Variants in REC8 observed in about 807,000 individuals in gnomAD.
REC8 encodes REC8 meiotic recombination protein, also known as meiotic recombination protein REC8 homolog.
In REC8, 42 loss-of-function variants were observed where a neutral mutation model predicts 78.3. The ratio of observed to expected loss-of-function variants is 0.54; its 90% CI spans 0.42 to 0.69. REC8 has a LOEUF of 0.69. REC8 is among the 30% of genes least tolerant of loss of function. REC8 has a pLI of 0.00. For synonymous variants in REC8, 268 were observed against 274.1 expected, an observed-to-expected ratio of 0.98 and a Z score of 0.22; for missense variants, 581 against 715.8, an observed-to-expected ratio of 0.81 and a Z score of 2.15.
At position 24,172,473 on chromosome 14, in the gene REC8, G is replaced by T; in HGVS notation, c.-80G>T. On this transcript the variant is annotated 5_prime_UTR_variant, in exon 1 of 19. Transcript: ENST00000611366. ...ATCCTGACTTCTCTCCAAGGTGTTG[G>T]GAATTCTGTGCCCTAAAGAATTCCG... The T allele has an allele frequency of 6.9e-7, 1 of 1,456,842 alleles. No homozygotes were observed. Among genetic ancestry groups the T allele is most frequent in the Non-Finnish European group, 9.3e-7 (1 of 1,069,728 alleles). 90.2% of individuals were successfully genotyped at this position (1,456,842 alleles called of 1,614,324 possible).
Position 24,178,159 on chromosome 14 carries a change from G to C in REC8, c.933G>C (p.Glu311Asp). ...RRRRLLFWDKETQISPEKFQE... is the reference protein window; with the variant it reads ...RRRRLLFWDKDTQISPEKFQE... The stretch of plus-strand genomic sequence containing the variant: ...GCCGGTTACTGTTCTGGGACAAGGA[G>C]ACTCAGATCTCCCCGGAGAAATTCC... The change falls in exon 12 of 19, where the codon GAG (glutamate) becomes GAC (aspartate). Residue 311 changes from glutamate to aspartate, a missense_variant. Transcript: ENST00000611366. 1.9e-6 allele frequency: 3 copies of C among 1,614,052 alleles called. No individual in the cohort carries two copies. The South Asian group carries it at 3.3e-5, about 18-fold the overall frequency.
At chr14:24,173,569 A>G (rs891779277) in intron 5 of REC8, among the ~76,000 whole-genome samples, 158 bp downstream of exon 5, 21 of 152,184 alleles carry the variant, frequency 1.4e-4, no homozygotes, top group African/African-American at 4.6e-4. Flanking sequence ...ATCCAGGCGA[A>G]GCCCCCTGTA....
intron 2 of REC8, 37 bp downstream of exon 2, chr14:24,172,818 G>C: frequency 6.2e-7 from 1 of 1,614,122 alleles, no homozygotes; most frequent in East Asian, 2.2e-5. Flanking sequence ...CCTGGTGCGG[G>C]GGGTGAGTTA....
downstream of REC8, chr14:24,180,561 C>T (rs566385618): frequency 7.3e-5 from 118 of 1,613,988 alleles, no homozygotes; most frequent in East Asian, 2.1e-3. Flanking sequence ...AGCAACAGTG[C>T]GGCCTTGGTG....
downstream of REC8, chr14:24,180,612 G>A: frequency 1.2e-6 from 2 of 1,611,896 alleles, no homozygotes; most frequent in Non-Finnish European, 1.7e-6. Flanking sequence ...GGCTCCTAAA[G>A]CCTCGCTGCC....
intron 1 of REC8, 29 bp from the exon 2 acceptor site, chr14:24,172,684 C>T: frequency 6.2e-7 from 1 of 1,614,096 alleles, no homozygotes; most frequent in South Asian, 1.1e-5. Flanking sequence ...CCTCCATCCC[C>T]ATTCTCCCAC....
In REC8 at chr14:24,172,549, G is replaced by A. The variant is rs1295917997; in HGVS notation, c.-4G>A. On this transcript the variant is annotated 5_prime_UTR_variant, in exon 1 of 19. Coordinates refer to ENST00000611366, the MANE Select transcript of REC8 (RefSeq NM_001048205.2). ...GGAATCGAGGGTGAAAGACCAGAGG[G>A]ACAATGTTCTACTATCCCAACGTGC... is the stretch of plus-strand genomic sequence containing the variant. The A allele has an allele frequency of 6.2e-6, 10 of 1,611,028 alleles. No homozygotes were observed. Among genetic ancestry groups the A allele is most frequent in the Middle Eastern group, 1.7e-4 (1 of 6,018 alleles).
chr14:24,174,479 T>G (rs751113234), intron 5 of REC8, among the ~76,000 whole-genome samples: 2 of 152,090 alleles, frequency 1.3e-5, no homozygotes, highest in Non-Finnish European at 2.9e-5. Context: ...AGTTTCATCA[T>G]GTTGGTCAGA....
In REC8 at chr14:24,178,111, A is replaced by C. The variant is rs758061904; in HGVS notation, c.885A>C (p.Pro295=). 38 of 1,612,524 alleles carry C rather than the reference A, an allele frequency of 2.4e-5. No homozygotes were observed. The highest frequency in any genetic ancestry group is 3.1e-5 in the Non-Finnish European group (36 of 1,179,402). The change falls in exon 12 of 19, where the codon CCA becomes CCC. Residue 295 remains proline (P), a synonymous_variant. Transcript: ENST00000611366. The stretch of plus-strand genomic sequence containing the variant: ...AACAGAGGAGGCCCCCAGTCCCCCC[A>C]CCTCCTCGCCGCCGCCGTCGTCGCC... ...PSPERRPPVP[P]PPRRRRRRRL...
At chr14:24,176,355 C>CT (rs777888260) in intron 6 of REC8, among the ~76,000 whole-genome samples, 41,291 of 127,124 alleles carry the variant, frequency 0.32, 6,753 homozygotes, top group South Asian at 0.44. Flanking sequence ...CCATACTCGG[C>CT]TTTTTTTTTT....
rs769311697 is a variant in REC8 at position 24,177,476 on chromosome 14, T to C, written c.749T>C (p.Ile250Thr). The C allele has an allele frequency of 4.3e-6, 7 of 1,613,984 alleles. No homozygotes were observed. The highest frequency in any genetic ancestry group is 3.3e-5 in the Admixed American group (2 of 59,992). Residue 250 changes from isoleucine to threonine, a missense_variant, in exon 10 of 19, where the codon ATA becomes ACA. Physicochemically the swap from Ile to Thr is moderately conservative, Grantham distance 89 (BLOSUM62 -1). Coordinates refer to ENST00000611366, the MANE Select transcript of REC8 (RefSeq NM_001048205.2). ...PPPAPAEVEG[I>T]GEALGPEELR... ...CCATTTCCCCTCAGGGTGGAAGGAA[T>C]AGGAGAGGCACTGGGTCCTGAGGAG...
chr14:24,172,822 T>A (rs767283219), intron 2 of REC8, 41 bp downstream of exon 2: 1 of 1,613,054 alleles, frequency 6.2e-7, no homozygotes, highest in Non-Finnish European at 8.5e-7. Context: ...GTGCGGGGGG[T>A]GAGTTAGGGG....
chr14:24,175,395 C>G, intron 5 of REC8, 148 bp from the exon 6 acceptor site: 1 of 630,892 alleles, frequency 1.6e-6, no homozygotes, highest in South Asian at 1.9e-5. Context: ...GACCAGAGGG[C>G]GGGTGAGTTT....
chr14:24,172,787 GCCCA>G lies in REC8; in HGVS notation c.125+7_125+10del. 1 of 1,614,192 alleles carries G rather than the reference GCCCA, an allele frequency of 6.2e-7. No homozygotes were observed. The highest frequency in any genetic ancestry group is 2.2e-5 in the East Asian group (1 of 44,886). Reference sequence around the variant, plus strand: ...GTGAATGTGGTGAAAACCTGGTAAGGCCCAGAAAAGGGAAGGAGGGCCTGGTGCG... The same window carrying G: ...GTGAATGTGGTGAAAACCTGGTAAGGGAAAAGGGAAGGAGGGCCTGGTGCG... On this transcript the variant is annotated splice_region_variant and intron_variant, in intron 2 of 18. Transcript: ENST00000611366.
At position 24,180,142 on chromosome 14, in the gene REC8, TA is replaced by T. The variant is rs746738329; in HGVS notation, c.*50del. The T allele has an allele frequency of 6.2e-7, 1 of 1,614,116 alleles. No individual in the cohort carries two copies. The highest frequency in any genetic ancestry group is 1.7e-5 in the Admixed American group (1 of 60,016). On this transcript the variant is annotated 3_prime_UTR_variant, in exon 19 of 19. Coordinates refer to ENST00000611366, the MANE Select transcript of REC8 (RefSeq NM_001048205.2). Reference sequence around the variant, plus strand: ...CTGCCAGGAAACCGGCCACTTCTAGTAAACCACGTCGTGCCTCACTGGGTCC... The same window carrying T: ...CTGCCAGGAAACCGGCCACTTCTAGTAACCACGTCGTGCCTCACTGGGTCC...
chr14:24,174,799 T>C (rs2038818384), intron 5 of REC8, among the ~76,000 whole-genome samples: 1 of 152,106 alleles, frequency 6.6e-6, no homozygotes, highest in Non-Finnish European at 1.5e-5. Context: ...CTCTATGAAA[T>C]ATTTATCCCA....
intron 6 of REC8, 63 bp downstream of exon 6, chr14:24,175,687 A>T: frequency 7.5e-7 from 1 of 1,335,688 alleles, no homozygotes; most frequent in South Asian, 1.2e-5. Flanking sequence ...TGTAGAAATG[A>T]CCATTTTTGA....
In REC8 at chr14:24,172,448, A is replaced by C; in HGVS notation, c.-105A>C. 1 of 1,290,356 alleles carries C rather than the reference A, an allele frequency of 7.7e-7. No homozygotes were observed. Among genetic ancestry groups the C allele is most frequent in the Non-Finnish European group, 1.1e-6 (1 of 940,808 alleles). The allele number at this position is 1,290,356 out of a possible 1,614,324, so 79.9% of individuals were successfully genotyped here. On this transcript the variant is annotated 5_prime_UTR_variant, in exon 1 of 19. Coordinates refer to ENST00000611366, the MANE Select transcript of REC8 (RefSeq NM_001048205.2). ...CCACCTTGCCACCAGAGAAGTCCAA[A>C]TCCTGACTTCTCTCCAAGGTGTTGG...
At chr14:24,178,740 G>A (rs751879434) in intron 13 of REC8, 37 bp from the exon 14 acceptor site, 6 of 1,611,550 alleles carry the variant, frequency 3.7e-6, no homozygotes, top group East Asian at 4.5e-5. Flanking sequence ...TGCTCCTCAC[G>A]CCTCAAACCC....
Sources: allele counts gnomAD v4.1 joint callset (sites outside exome capture counted in the v4.1 genomes callset), GRCh38; gene constraint gnomAD v4.1.1; transcripts MANE v1.5; gene names NCBI Gene and HGNC (gene_info 2026-07-23, HGNC 2026-07-21).